The following CHCHD3 variants were observed in gnomAD, a reference collection of about 807,000 sequenced individuals.
The protein encoded by CHCHD3 is MICOS complex subunit MIC19.
Under a neutral mutation model 38.2 loss-of-function variants are expected in CHCHD3, and 20 were observed. The ratio of observed to expected loss-of-function variants is 0.52; its 90% CI spans 0.37 to 0.76. The LOEUF is 0.76. CHCHD3 is among the 30% of genes least tolerant of loss of function. The pLI, the probability that CHCHD3 is intolerant of heterozygous loss-of-function variation, is 0.00. For synonymous variants in CHCHD3, 82 were observed against 100.0 expected, an observed-to-expected ratio of 0.82 and a Z score of 1.07; for missense variants, 245 against 279.2, an observed-to-expected ratio of 0.88 and a Z score of 0.87.
chr7:133,034,310 G>A (rs1052492975), intron 2 of CHCHD3, among the ~76,000 whole-genome samples: 3 of 152,006 alleles, frequency 2.0e-5, no homozygotes, highest in South Asian at 2.1e-4. Context: ...TTGAAATTAA[G>A]GAAGTGAGGG....
chr7:132,997,083 C>T (rs768668397), intron 3 of CHCHD3, among the ~76,000 whole-genome samples: 4 of 152,204 alleles, frequency 2.6e-5, no homozygotes, highest in Non-Finnish European at 2.9e-5. Flanking sequence ...GTGCTCAAAT[C>T]CCACGCAGCA....
chr7:132,860,478 T>G (rs1178907677), intron 5 of CHCHD3, among the ~76,000 whole-genome samples: 1 of 152,194 alleles, frequency 6.6e-6, no homozygotes, highest in Admixed American at 6.5e-5. Flanking sequence ...TACACCATCT[T>G]ATATCCAGTC....
rs544244995 is a variant in CHCHD3, at chr7:132,910,657, AC to A, written c.370-24913del. On this transcript the variant is annotated intron_variant, in intron 4 of 7. Coordinates refer to ENST00000262570, the MANE Select transcript of CHCHD3 (RefSeq NM_017812.4). Reference sequence around the variant, plus strand: ...TTTCCATTTCTCTTCATCCAAGCTGACCCCCTCTAACTTTCTCAAACTGAAC... The same window carrying A: ...TTTCCATTTCTCTTCATCCAAGCTGACCCCTCTAACTTTCTCAAACTGAAC... Among the ~76,000 whole-genome samples the A allele has an allele frequency of 1.4e-4, 21 of 152,170 alleles. No individual in the cohort carries two copies. In the South Asian group the frequency reaches 4.4e-3, roughly 32 times the overall value.
At chr7:132,944,325 C>A (rs1410882647) in intron 4 of CHCHD3, among the ~76,000 whole-genome samples, 1 of 151,380 alleles carries the variant, frequency 6.6e-6, no homozygotes, top group Non-Finnish European at 1.5e-5. Context: ...AAGACTCTAG[C>A]AGGGCTGAGT....
chr7:132,917,968 T>C (rs1810157926), intron 4 of CHCHD3, among the ~76,000 whole-genome samples: 1 of 151,260 alleles, frequency 6.6e-6, no homozygotes. Context: ...CAAGCAGGTA[T>C]GTGAGCAAAC....
intron 5 of CHCHD3, among the ~76,000 whole-genome samples, chr7:132,852,039 A>G (rs966489207): frequency 2.0e-5 from 3 of 152,158 alleles, no homozygotes; most frequent in African/African-American, 7.2e-5. Context: ...GATCAGCCTT[A>G]CCGTAGATGA....
chr7:133,079,568 C>G (rs1378259197), intron 1 of CHCHD3, among the ~76,000 whole-genome samples: 1 of 152,208 alleles, frequency 6.6e-6, no homozygotes, highest in East Asian at 1.9e-4. Context: ...CTTACCTCAT[C>G]TTCTTACAAT....
At chr7:132,986,692 G>GAAGA (rs771723187) in intron 3 of CHCHD3, among the ~76,000 whole-genome samples, 5 of 152,182 alleles carry the variant, frequency 3.3e-5, no homozygotes, top group Non-Finnish European at 7.4e-5. Context: ...AAATCATTGA[G>GAAGA]AAGAAAGGAT....
chr7:132,948,955 G>C (rs1810969367), intron 4 of CHCHD3, among the ~76,000 whole-genome samples: 1 of 152,026 alleles, frequency 6.6e-6, no homozygotes, highest in Non-Finnish European at 1.5e-5. Flanking sequence ...CAACTCTTTA[G>C]CACCACAATA....
chr7:132,989,382 C>T (rs1812209704), intron 3 of CHCHD3, among the ~76,000 whole-genome samples: 1 of 149,564 alleles, frequency 6.7e-6, no homozygotes, highest in Admixed American at 6.7e-5. Flanking sequence ...GCCTGCATAG[C>T]TTCAAAATGA....
chr7:133,050,766 G>C (rs1364335639), intron 2 of CHCHD3, among the ~76,000 whole-genome samples: 1 of 152,088 alleles, frequency 6.6e-6, no homozygotes, highest in Admixed American at 6.6e-5. Context: ...AGTAATCCCA[G>C]TACTTTGGGA....
chr7:132,889,631 T>C lies in CHCHD3; in HGVS notation c.370-3886A>G, dbSNP rs1809310807. On this transcript the variant is annotated intron_variant, in intron 4 of 7. Transcript: ENST00000262570. ...TAGGCCAGCAGCACACATCTTTCCC[T>C]GGATTGCAAACAGAATCAATAGTTT... Among the ~76,000 whole-genome samples, 3 of 152,192 alleles carry C rather than the reference T, an allele frequency of 2.0e-5. 1 individual carries two copies. In the South Asian group the frequency reaches 6.2e-4, roughly 32 times the overall value.
chr7:132,991,139 A>AT (rs1812273584), intron 3 of CHCHD3, among the ~76,000 whole-genome samples: 1 of 152,182 alleles, frequency 6.6e-6, no homozygotes, highest in Admixed American at 6.5e-5. Flanking sequence ...ATTTCTAATC[A>AT]TTTTTGATTC....
Position 133,081,945 on chromosome 7 carries a change from G to A in CHCHD3, c.-8C>T, listed in dbSNP as rs571209169. 10 of 1,545,248 alleles carry A rather than the reference G, an allele frequency of 6.5e-6. 1 individual carries two copies. The South Asian group carries it at 1.2e-4, about 19-fold the overall frequency. ...GCTGGTGGTCCCACCCATGATTCCGGTTCCTGCCCCAGCGGAGACCTAGCG... is the reference window on the plus strand; with the variant it reads ...GCTGGTGGTCCCACCCATGATTCCGATTCCTGCCCCAGCGGAGACCTAGCG... On this transcript the variant is annotated 5_prime_UTR_variant, in exon 1 of 8. Transcript: ENST00000262570.
intron 6 of CHCHD3, among the ~76,000 whole-genome samples, chr7:132,819,485 C>T (rs1210594354): frequency 2.6e-5 from 4 of 152,004 alleles, no homozygotes; most frequent in African/African-American, 9.7e-5. Flanking sequence ...GAAGCATGGA[C>T]ATTTTATAAG....
chr7:132,872,050 C>G lies in CHCHD3; in HGVS notation c.453+13612G>C, dbSNP rs10272172. ...GCTGTGGCAGGAGATGGACAAGAAT[C>G]TGCCATCGAGGAAGGTTAAAAGTAC... On this transcript the variant is annotated intron_variant, in intron 5 of 7. Transcript: ENST00000262570. Among the ~76,000 whole-genome samples, 1,248 of 152,332 alleles carry G rather than the reference C, an allele frequency of 8.2e-3. 26 individuals carry two copies. Among genetic ancestry groups the G allele is most frequent in the African/African-American group, 0.029 (1,187 of 41,584 alleles).
At chr7:132,949,573 A>G (rs1810989018) in intron 4 of CHCHD3, among the ~76,000 whole-genome samples, 1 of 152,228 alleles carries the variant, frequency 6.6e-6, no homozygotes. Flanking sequence ...CTTTTCTTCA[A>G]TTCAATGAAC....
chr7:132,794,141 C>G (rs372754255), intron 7 of CHCHD3, among the ~76,000 whole-genome samples: 1 of 152,328 alleles, frequency 6.6e-6, no homozygotes, highest in Non-Finnish European at 1.5e-5. Context: ...CTCTGTCCCC[C>G]GCTCATTAGA....
At chr7:132,900,655 T>C (rs1335713825) in intron 4 of CHCHD3, among the ~76,000 whole-genome samples, 2 of 152,226 alleles carry the variant, frequency 1.3e-5, no homozygotes, top group Admixed American at 1.3e-4. Flanking sequence ...TACATGCTGA[T>C]TTTAAAACTA....
Sources: gnomAD v4.1 joint callset for allele counts (sites outside exome capture counted in the v4.1 genomes callset) on GRCh38, gnomAD v4.1.1 for gene constraint, MANE v1.5 for transcripts, NCBI Gene and HGNC (gene_info 2026-07-23, HGNC 2026-07-21) for gene names.